KCNB2: variants seen among roughly 807,000 people sequenced by gnomAD.
KCNB2 encodes potassium voltage-gated channel subfamily B member 2, also known as delayed rectifier potassium channel protein.
A neutral mutation model predicts 61.5 loss-of-function variants in KCNB2; 15 were observed. The observed-to-expected ratio is 0.24, with a 90% confidence interval of 0.16 to 0.38. The LOEUF (loss-of-function observed/expected upper bound fraction) is 0.38. KCNB2 is among the 10% of genes least tolerant of loss of function. The pLI, the probability that KCNB2 is intolerant of heterozygous loss-of-function variation, is 1.00. For missense variants in KCNB2, 828 were observed against 1,125.2 expected (o/e 0.74, Z 3.78); for synonymous variants, 457 against 446.0 (o/e 1.02, Z -0.31).
chr8:72,840,662 T>C (rs551978647), intron 2 of KCNB2, among the ~76,000 whole-genome samples: 3 of 152,352 alleles, frequency 2.0e-5, no homozygotes, highest in Non-Finnish European at 4.4e-5. Context: ...TGACCAGTGA[T>C]GATGAGCTTT....
chr8:72,766,083 T>C (rs1038106492), intron 2 of KCNB2, among the ~76,000 whole-genome samples: 1 of 152,204 alleles, frequency 6.6e-6, no homozygotes, highest in Non-Finnish European at 1.5e-5. Context: ...CTATCTCAGA[T>C]CTATGAATCT....
chr8:72,896,372 G>T (rs1006409196), intron 2 of KCNB2, among the ~76,000 whole-genome samples: 1 of 152,000 alleles, frequency 6.6e-6, no homozygotes, highest in African/African-American at 2.4e-5. Context: ...TTTCACCTTT[G>T]TTTCCACATG....
chr8:72,817,798 C>T (rs936657574), intron 2 of KCNB2, among the ~76,000 whole-genome samples: 4 of 152,180 alleles, frequency 2.6e-5, no homozygotes, highest in African/African-American at 9.7e-5. Context: ...TTGCAATTCT[C>T]TCCTCACAGA....
chr8:72,648,197 A>G (rs535396761), intron 2 of KCNB2, among the ~76,000 whole-genome samples: 33 of 152,276 alleles, frequency 2.2e-4, no homozygotes, highest in Non-Finnish European at 4.3e-4. Flanking sequence ...TCTTTATAGG[A>G]GAGAATATAG....
At chr8:72,739,068 T>C (rs766735082) in intron 2 of KCNB2, among the ~76,000 whole-genome samples, 4 of 152,152 alleles carry the variant, frequency 2.6e-5, no homozygotes, top group Non-Finnish European at 5.9e-5. Context: ...TAGGATATAT[T>C]GTGGGTTTCA....
intron 2 of KCNB2, among the ~76,000 whole-genome samples, chr8:72,610,903 G>T (rs1239755797): frequency 1.3e-5 from 2 of 152,140 alleles, no homozygotes; most frequent in Non-Finnish European, 2.9e-5. Flanking sequence ...AATCCAATGA[G>T]ATCAGATTTG....
chr8:72,621,302 G>C (rs1364191731), intron 2 of KCNB2, among the ~76,000 whole-genome samples: 1 of 152,142 alleles, frequency 6.6e-6, no homozygotes, highest in Non-Finnish European at 1.5e-5. Context: ...GGAGGACGTG[G>C]TAGTCAAGAT....
chr8:72,932,710 T>C (rs1192883009), intron 2 of KCNB2, among the ~76,000 whole-genome samples: 2 of 152,212 alleles, frequency 1.3e-5, no homozygotes, highest in Non-Finnish European at 2.9e-5. Flanking sequence ...AAACAATGGT[T>C]GTGGAGGCCT....
chr8:72,810,836 A>G (rs992204101), intron 2 of KCNB2, among the ~76,000 whole-genome samples: 105 of 152,342 alleles, frequency 6.9e-4, no homozygotes, highest in African/African-American at 2.4e-3. Flanking sequence ...ATCCCAACCT[A>G]AAATCCACAT....
chr8:72,590,328 G>A (rs1463135601), intron 2 of KCNB2, among the ~76,000 whole-genome samples: 2 of 152,106 alleles, frequency 1.3e-5, no homozygotes, highest in African/African-American at 4.8e-5. Context: ...GTCTTCCTGA[G>A]ATTGTTCTCC....
intron 2 of KCNB2, among the ~76,000 whole-genome samples, chr8:72,884,373 G>A (rs754171991): frequency 1.3e-5 from 2 of 151,986 alleles, no homozygotes; most frequent in Admixed American, 6.6e-5. Flanking sequence ...TGTGTTAGCC[G>A]GGGGAGGGGA....
chr8:72,545,384 G>T (rs1211629772), intron 1 of KCNB2, among the ~76,000 whole-genome samples: 1 of 152,110 alleles, frequency 6.6e-6, no homozygotes, highest in Non-Finnish European at 1.5e-5. Flanking sequence ...TTTTCCAACA[G>T]TGTGCTCACT....
chr8:72,716,087 A>T (rs940322210), intron 2 of KCNB2, among the ~76,000 whole-genome samples: 1 of 152,338 alleles, frequency 6.6e-6, no homozygotes, highest in Middle Eastern at 3.4e-3. Flanking sequence ...TCCTTGACAC[A>T]TACACCCTCC....
chr8:72,842,485 T>A (rs942094163), intron 2 of KCNB2, among the ~76,000 whole-genome samples: 17 of 152,180 alleles, frequency 1.1e-4, no homozygotes, highest in Admixed American at 9.8e-4. Context: ...TTTTCTATTG[T>A]TTGGAATAGT....
intron 2 of KCNB2, among the ~76,000 whole-genome samples, chr8:72,628,048 G>A (rs937925121): frequency 1.3e-5 from 2 of 151,992 alleles, no homozygotes; most frequent in Admixed American, 6.6e-5. Flanking sequence ...CCACCTCCCA[G>A]GTTCAAACGA....
intron 2 of KCNB2, among the ~76,000 whole-genome samples, chr8:72,863,699 G>A (rs1563408248): frequency 6.6e-6 from 1 of 152,196 alleles, no homozygotes; most frequent in Non-Finnish European, 1.5e-5. Flanking sequence ...GTGAAAATGT[G>A]ACAAGGTATG....
chr8:72,732,785 T>C (rs1474783736), intron 2 of KCNB2, among the ~76,000 whole-genome samples: 2 of 152,308 alleles, frequency 1.3e-5, no homozygotes, highest in East Asian at 3.9e-4. Flanking sequence ...GAGCATCTTG[T>C]ACCTCTCTAA....
chr8:72,766,428 TA>T, intron 2 of KCNB2, among the ~76,000 whole-genome samples: 1 of 152,322 alleles, frequency 6.6e-6, no homozygotes, highest in African/African-American at 2.4e-5. Flanking sequence ...TTTTCTAATC[TA>T]ACACAGCCAA....
chr8:72,920,600 G>A (rs1806504277), intron 2 of KCNB2, among the ~76,000 whole-genome samples: 1 of 149,776 alleles, frequency 6.7e-6, no homozygotes, highest in South Asian at 2.1e-4. Context: ...CCTCGATTAT[G>A]CCACCACACT....
Sources: gnomAD v4.1 joint callset for allele counts (sites outside exome capture counted in the v4.1 genomes callset) on GRCh38, gnomAD v4.1.1 for gene constraint, MANE v1.5 for transcripts, NCBI Gene and HGNC (gene_info 2026-07-23, HGNC 2026-07-21) for gene names.